ZNF584: variants seen among roughly 807,000 people sequenced by gnomAD.
ZNF584 encodes the protein zinc finger protein 584.
Under a neutral mutation model 14.7 loss-of-function variants are expected in ZNF584, and 12 were observed. The ratio of observed to expected loss-of-function variants is 0.82; its 90% confidence interval spans 0.52 to 1.32. The LOEUF is 1.32. Ranked by LOEUF, ZNF584 falls within the 40% of genes most tolerant of loss-of-function variation. The pLI, the probability that ZNF584 is intolerant of heterozygous loss-of-function variation, is 0.00. For missense variants in ZNF584, 478 were observed against 518.8 expected (o/e 0.92, Z 0.76); for synonymous variants, 204 against 190.9 (o/e 1.07, Z -0.57).
chr19:58,410,560 T>TAC (rs2052541316), intron 2 of ZNF584, among the ~76,000 whole-genome samples: 1 of 37,126 alleles, frequency 2.7e-5, no homozygotes, highest in African/African-American at 2.5e-4. Context: ...TATATATATG[T>TAC]GTATATATAT....
At chr19:58,415,967 T>C in intron 3 of ZNF584, 1 of 1,592,474 alleles carries the variant, frequency 6.3e-7, no homozygotes, top group Non-Finnish European at 8.5e-7. Context: ...CAATCCTTAA[T>C]TAATACTTAA....
upstream of ZNF584, chr19:58,405,129 G>T (rs1467525332): frequency 7.0e-6 from 1 of 142,086 alleles, no homozygotes; most frequent in East Asian, 2.1e-4. Context: ...GGGCAGAGGC[G>T]CCCCGCACCT....
chr19:58,410,573 GTATATATATGTA>G (rs1227119215), intron 2 of ZNF584, among the ~76,000 whole-genome samples: 5 of 6,434 alleles, frequency 7.8e-4, no homozygotes, highest in Non-Finnish European at 1.0e-3. Flanking sequence ...ATATATATAT[GTATATATATGTA>G]TATATATGTA....
chr19:58,410,563 ATATATATATG>A (rs1368140818), intron 2 of ZNF584, among the ~76,000 whole-genome samples: 17,030 of 29,180 alleles, frequency 0.58, 5,479 homozygotes, highest in Non-Finnish European at 0.66. Flanking sequence ...ATATATGTGT[ATATATATATG>A]TATATATATG....
chr19:58,403,858 A>G (rs531625453), upstream of ZNF584, among the ~76,000 whole-genome samples: 5 of 149,362 alleles, frequency 3.3e-5, no homozygotes, highest in South Asian at 2.2e-4. Context: ...CGTCCCAGCT[A>G]TTCGTGAGGC....
chr19:58,410,663 A>ATG (rs1198837289), intron 2 of ZNF584, among the ~76,000 whole-genome samples: 1 of 14,664 alleles, frequency 6.8e-5, no homozygotes, highest in Admixed American at 5.4e-4. Flanking sequence ...ATGTGTATAT[A>ATG]TGTATATATG....
chr19:58,409,224 C>T (rs773328672), intron 1 of ZNF584, 59 bp downstream of exon 1: 7 of 1,383,134 alleles, frequency 5.1e-6, no homozygotes, highest in Non-Finnish European at 6.6e-6. Flanking sequence ...GCGGCGTGTG[C>T]CAGGGCAGAG....
rs1336828411 is a variant in ZNF584 at position 58,409,115 on chromosome 19, G to A, written c.-33G>A. On this transcript the variant is annotated 5_prime_UTR_variant, in exon 1 of 4. Coordinates refer to ENST00000306910, the MANE Select transcript of ZNF584 (RefSeq NM_173548.3). ...GGGACGCGTTTCGGCTGAGGCCGTG[G>A]GTCCAGTCCACGGGTTCTGCCCGCA... is the stretch of plus-strand genomic sequence containing the variant. The A allele has an allele frequency of 1.4e-6, 2 of 1,472,276 alleles. No homozygotes were observed. Among genetic ancestry groups the A allele is most frequent in the South Asian group, 2.6e-5 (2 of 75,912 alleles). The allele number at this position is 1,472,276 out of a possible 1,614,324, so 91.2% of individuals were successfully genotyped here.
In ZNF584 at chr19:58,417,471, G is replaced by T; in HGVS notation, c.953G>T (p.Arg318Ile). The change falls in exon 4 of 4, where the codon AGA (arginine) becomes ATA (isoleucine). Residue 318 changes from arginine to isoleucine, a missense_variant. By Grantham distance (97) the Arg-to-Ile change is moderately conservative. Around this residue, in one of 3 missense-constraint regions of ZNF584, gnomAD observed 283 missense variants for 317.3 expected, o/e 0.89. Coordinates refer to ENST00000306910, the MANE Select transcript of ZNF584 (RefSeq NM_173548.3). ...AATAATAGCTTCATTCTTCACCAGA[G>T]AGTTCACACTGGAGAAAGGCCTTTT... The part of the protein sequence containing the change: ...KYNNSFILHQ[R>I]VHTGERPFEC... 6.2e-7 allele frequency: 1 copy of T among 1,614,154 alleles called. No homozygotes were observed. The highest frequency in any genetic ancestry group is 8.5e-7 in the Non-Finnish European group (1 of 1,180,036).
chr19:58,413,434 C>G (rs1407834309), intron 2 of ZNF584, among the ~76,000 whole-genome samples: 1 of 152,008 alleles, frequency 6.6e-6, no homozygotes, highest in Non-Finnish European at 1.5e-5. Context: ...CAATCTCCAC[C>G]TCCTGGGTTC....
upstream of ZNF584, chr19:58,405,096 C>G (rs1267498188): frequency 7.5e-5 from 11 of 146,774 alleles, no homozygotes; most frequent in Non-Finnish European, 1.5e-4. Flanking sequence ...AGAGGGGCTC[C>G]TCACTTCCCA....
chr19:58,410,647 G>A lies in ZNF584; in HGVS notation c.169+556G>A, dbSNP rs1204482610. On this transcript the variant is annotated intron_variant, in intron 2 of 3. Coordinates refer to ENST00000306910, the MANE Select transcript of ZNF584 (RefSeq NM_173548.3). ...TGTGTATATATGTGTATATATATGTGTATATATGTGTATATATGTATATAT... is the reference window on the plus strand; with the variant it reads ...TGTGTATATATGTGTATATATATGTATATATATGTGTATATATGTATATAT... Among the ~76,000 whole-genome samples the A allele has an allele frequency of 1.4e-3, 36 of 25,896 alleles. 8 individuals are homozygous for A. In the African/African-American group the frequency reaches 0.016, roughly 12 times the overall value. 17.0% of individuals were successfully genotyped at this position (25,896 alleles called of 152,430 possible).
rs201892328 is a variant in ZNF584 at position 58,417,627 on chromosome 19, A to T, written c.1109A>T (p.Asn370Ile). 1 of 1,614,006 alleles carries T rather than the reference A, an allele frequency of 6.2e-7. No homozygotes were observed. Among genetic ancestry groups the T allele is most frequent in the Non-Finnish European group, 8.5e-7 (1 of 1,180,038 alleles). ...GKTFTTRSYRNRHQQFHTEER... is the reference protein window; with the variant it reads ...GKTFTTRSYRIRHQQFHTEER... ...ACCTTCACTACCAGATCCTACCGCA[A>T]TCGGCACCAGCAGTTCCACACTGAA... The change falls in exon 4 of 4, where the codon AAT (asparagine) becomes ATT (isoleucine). Residue 370 changes from asparagine to isoleucine, a missense_variant. Asn to Ile is a moderately radical substitution (Grantham distance 149). This residue lies in a region of ZNF584 where 283 missense variants were observed against 317.3 expected (regional missense o/e 0.89). Coordinates refer to ENST00000306910, the MANE Select transcript of ZNF584 (RefSeq NM_173548.3).
chr19:58,403,558 T>C (rs55857578), intron 1 of ZNF584, among the ~76,000 whole-genome samples: 25,975 of 151,444 alleles, frequency 0.17, 2,447 homozygotes, highest in Non-Finnish European at 0.21. Context: ...GCACAAGTAA[T>C]TTTTGGGGGC....
chr19:58,409,179 G>T lies in ZNF584; in HGVS notation c.18+14G>T, dbSNP rs752214619. 1.4e-6 allele frequency: 2 copies of T among 1,426,478 alleles called. No individual in the cohort carries two copies. The highest frequency in any genetic ancestry group is 5.6e-5 in the East Asian group (2 of 35,886). 88.4% of individuals were successfully genotyped at this position (1,426,478 alleles called of 1,614,324 possible). On this transcript the variant is annotated intron_variant, in intron 1 of 3. Coordinates refer to ENST00000306910, the MANE Select transcript of ZNF584 (RefSeq NM_173548.3). ...GGGGAGGCGGAGGTGAGCAGAGGAT[G>T]CCTCCGAGGAATGAGGGGGCCCACC...
intron 2 of ZNF584, among the ~76,000 whole-genome samples, chr19:58,410,777 A>ATTTTTTTTTTTTT (rs1491122996): frequency 1.2e-4 from 1 of 8,080 alleles, no homozygotes; most frequent in African/African-American, 3.6e-4. Flanking sequence ...ATATATATAT[A>ATTTTTTTTTTTTT]ATTTTTTTTT....
intron 2 of ZNF584, among the ~76,000 whole-genome samples, chr19:58,415,094 C>T (rs139140953): frequency 1.4e-3 from 215 of 151,648 alleles, no homozygotes; most frequent in Admixed American, 1.0e-2. Context: ...GGGGTTTCAC[C>T]GTGTTAGCCA....
At chr19:58,407,585 G>A (rs2052484775), upstream of ZNF584, among the ~76,000 whole-genome samples, 2 of 152,188 alleles carry the variant, frequency 1.3e-5, no homozygotes, top group Admixed American at 1.3e-4. Context: ...GACTTCCAAG[G>A]GGAACATGGA....
chr19:58,405,164 A>C (rs866142086), upstream of ZNF584: 72 of 94,640 alleles, frequency 7.6e-4, no homozygotes, highest in African/African-American at 2.8e-3. Context: ...CTGGCCGGGC[A>C]GGGGGCTGAC....
Sources: allele counts gnomAD v4.1 joint callset (sites outside exome capture counted in the v4.1 genomes callset), GRCh38; gene constraint gnomAD v4.1.1; regional missense constraint gnomAD v4.1.1; transcripts MANE v1.5; gene names NCBI Gene and HGNC (gene_info 2026-07-23, HGNC 2026-07-21).